Variants in USP48 observed in about 807,000 individuals in gnomAD.
The protein encoded by USP48 is ubiquitin specific peptidase 48.
A neutral mutation model predicts 150.7 loss-of-function variants in USP48; 43 were observed. That is an observed-to-expected ratio of 0.29 (90% CI 0.22 to 0.37). USP48 has a LOEUF of 0.37. Among genes scored for constraint, USP48 ranks in the 10% least tolerant of loss-of-function variants. The pLI is 1.00. For missense variants in USP48, 813 were observed against 1,249.6 expected (o/e 0.65, Z 5.27); for synonymous variants, 396 against 425.9 (o/e 0.93, Z 0.86).
At chr1:21,701,064 C>CAAAAAA (rs11311453) in intron 22 of USP48, among the ~76,000 whole-genome samples, 14 of 60,508 alleles carry the variant, frequency 2.3e-4, no homozygotes, top group Non-Finnish European at 2.2e-4. Context: ...GGATCCATCT[C>CAAAAAA]AAAAAAAAAA....
chr1:21,715,375 T>C lies in USP48; in HGVS notation c.1963+14A>G. ...AGGACAATAAAACAGAATTCATTTA[T>C]GCTTCTAGCTTACCATGTGGACACA... On this transcript the variant is annotated intron_variant, in intron 15 of 26. Coordinates refer to ENST00000308271, the MANE Select transcript of USP48 (RefSeq NM_032236.8). 6.4e-7 allele frequency: 1 copy of C among 1,570,138 alleles called. No homozygotes were observed. Among genetic ancestry groups the C allele is most frequent in the Non-Finnish European group, 8.7e-7 (1 of 1,148,736 alleles).
At chr1:21,716,415 G>C (rs1557483517) in intron 14 of USP48, among the ~76,000 whole-genome samples, 1 of 152,188 alleles carries the variant, frequency 6.6e-6, no homozygotes, top group Non-Finnish European at 1.5e-5. Flanking sequence ...GTCGCAGGCA[G>C]GATGAAGCAG....
intron 23 of USP48, among the ~76,000 whole-genome samples, chr1:21,692,768 G>A (rs1162381974): frequency 6.6e-6 from 1 of 152,142 alleles, no homozygotes; most frequent in Non-Finnish European, 1.5e-5. Flanking sequence ...GCGAGCACAG[G>A]GGGACAGTCA....
chr1:21,767,973 C>T (rs2097866628), intron 1 of USP48, among the ~76,000 whole-genome samples: 1 of 151,984 alleles, frequency 6.6e-6, no homozygotes, highest in Non-Finnish European at 1.5e-5. Context: ...TCTGGGAGGC[C>T]GAGGCGGGTG....
intron 11 of USP48, chr1:21,724,887 T>C (rs1479123467): frequency 1.3e-5 from 2 of 152,136 alleles, no homozygotes; most frequent in African/African-American, 4.8e-5. Context: ...AAATCAAAGA[T>C]AAAGGGCCAG....
intron 9 of USP48, among the ~76,000 whole-genome samples, chr1:21,736,044 C>T (rs2097768181): frequency 6.6e-6 from 1 of 152,068 alleles, no homozygotes; most frequent in Admixed American, 6.6e-5. Context: ...TACTGCACTC[C>T]AGCCTTAGTG....
intron 24 of USP48, among the ~76,000 whole-genome samples, chr1:21,689,230 T>G (rs2097589510): frequency 6.9e-6 from 1 of 144,016 alleles, no homozygotes; most frequent in Non-Finnish European, 1.5e-5. Context: ...TTTTTTTTTG[T>G]GGGGGCAGCA....
At chr1:21,729,947 A>G (rs958829195) in intron 9 of USP48, 115 bp from the exon 10 acceptor site, 9 of 1,248,012 alleles carry the variant, frequency 7.2e-6, no homozygotes, top group African/African-American at 1.5e-5. Flanking sequence ...ATTAACACCA[A>G]TCTAAAACAT....
chr1:21,719,209 G>C (rs1006839770), intron 14 of USP48, among the ~76,000 whole-genome samples: 9 of 150,618 alleles, frequency 6.0e-5, no homozygotes, highest in Non-Finnish European at 1.3e-4. Context: ...GGGGGGCGGG[G>C]GGGCAGAGGT....
chr1:21,736,977 ACTCT>A (rs1365632290), intron 8 of USP48, among the ~76,000 whole-genome samples: 1 of 152,150 alleles, frequency 6.6e-6, no homozygotes, highest in African/African-American at 2.4e-5. Context: ...GGCTGTTCAT[ACTCT>A]CTGTGTGTTA....
chr1:21,773,938 G>T (rs1407624242), intron 1 of USP48, among the ~76,000 whole-genome samples: 1 of 152,058 alleles, frequency 6.6e-6, no homozygotes, highest in Non-Finnish European at 1.5e-5. Context: ...AGGAATTCAA[G>T]ACCAGTCAGG....
At chr1:21,764,242 A>G (rs1033396450) in intron 1 of USP48, among the ~76,000 whole-genome samples, 2 of 152,106 alleles carry the variant, frequency 1.3e-5, no homozygotes, top group African/African-American at 4.8e-5. Context: ...ATTTGACACC[A>G]GCCAGGCCAA....
In USP48 at chr1:21,680,976, G is replaced by A. The variant is rs552310114; in HGVS notation, c.3059-142C>T. 8.4e-4 allele frequency: 520 copies of A among 620,386 alleles called. 4 individuals are homozygous for A. The highest frequency in any genetic ancestry group is 3.6e-4 in the Admixed American group (10 of 27,464). The allele number at this position is 620,386 out of a possible 1,614,324, so 38.4% of individuals were successfully genotyped here. A position where few individuals can be genotyped will look rare whatever the true frequency, so the allele number is the denominator to read the frequency against. On this transcript the variant is annotated intron_variant, in intron 25 of 26. Coordinates refer to ENST00000308271, the MANE Select transcript of USP48 (RefSeq NM_032236.8). ...CTGTAATAATCATCTTTGAAGTTAC[G>A]GATGTTACTAATTTCAGAACAATCT...
At chr1:21,712,096 C>T (rs1036825299) in intron 15 of USP48, among the ~76,000 whole-genome samples, 8 of 152,198 alleles carry the variant, frequency 5.3e-5, no homozygotes, top group African/African-American at 9.7e-5. Context: ...TGATGGCTGA[C>T]GCCTGTAATC....
intron 15 of USP48, chr1:21,715,136 CA>C: frequency 2.5e-6 from 1 of 403,142 alleles, no homozygotes; most frequent in South Asian, 3.2e-5. Flanking sequence ...GCACTATTCT[CA>C]AAGTGTTTAA....
At chr1:21,689,760 C>T (rs1571702061) in intron 24 of USP48, among the ~76,000 whole-genome samples, 1 of 152,160 alleles carries the variant, frequency 6.6e-6, no homozygotes, top group East Asian at 1.9e-4. Flanking sequence ...CCTACTATAA[C>T]ACACAAGAAC....
intron 2 of USP48, 110 bp from the exon 3 acceptor site, chr1:21,756,812 C>A: frequency 6.7e-7 from 1 of 1,494,112 alleles, no homozygotes. Context: ...CCGTCACAAC[C>A]AACATGGTAT....
At chr1:21,779,618 T>A (rs2097909574) in intron 1 of USP48, among the ~76,000 whole-genome samples, 1 of 152,054 alleles carries the variant, frequency 6.6e-6, no homozygotes, top group Non-Finnish European at 1.5e-5. Flanking sequence ...TCTTGCTCTA[T>A]AACCAAGAGA....
chr1:21,713,043 A>ACTCCCTTTCTCATTCCCTCC (rs2097694551), intron 15 of USP48, among the ~76,000 whole-genome samples: 1 of 148,514 alleles, frequency 6.7e-6, no homozygotes, highest in Admixed American at 6.7e-5. Flanking sequence ...TCTCTCCCTC[A>ACTCCCTTTCTCATTCCCTCC]CTCCCTTTCT....
Sources: gnomAD v4.1 joint callset for allele counts (sites outside exome capture counted in the v4.1 genomes callset) on GRCh38, gnomAD v4.1.1 for gene constraint, MANE v1.5 for transcripts, NCBI Gene and HGNC (gene_info 2026-07-23, HGNC 2026-07-21) for gene names.